The following WDR46 variants were observed in gnomAD, a reference collection of about 807,000 sequenced individuals.
The protein encoded by WDR46 is WD repeat domain 46.
Under a neutral mutation model 74.7 loss-of-function variants are expected in WDR46, and 58 were observed. The observed-to-expected ratio is 0.78, with a 90% CI of 0.63 to 0.97. The LOEUF is 0.97. Ranked by LOEUF, WDR46 falls within the 50% of genes least tolerant of loss-of-function variation. WDR46 has a pLI of 0.00. For synonymous variants in WDR46, 278 were observed against 297.3 expected, an observed-to-expected ratio of 0.93 and a Z score of 0.67; for missense variants, 702 against 790.1, an observed-to-expected ratio of 0.89 and a Z score of 1.34.
Position 33,288,040 on chromosome 6 carries a change from G to T in WDR46, c.562-14C>A, listed in dbSNP as rs1363924329. The T allele has an allele frequency of 6.2e-7, 1 of 1,613,982 alleles. No homozygotes were observed. The highest frequency in any genetic ancestry group is 1.3e-5 in the African/African-American group (1 of 74,900). ...CAAGTCAAAGTGCTGGGAAAGAGAA[G>T]AGTGAAAAAAAAGAGTGCCCTGCAG... is the stretch of plus-strand genomic sequence containing the variant. On this transcript the variant is annotated splice_polypyrimidine_tract_variant and intron_variant, in intron 5 of 14. Coordinates refer to ENST00000374617, the MANE Select transcript of WDR46 (RefSeq NM_005452.6).
chr6:33,288,382 T>A lies in WDR46; in HGVS notation c.449A>T (p.Glu150Val), dbSNP rs1766899821. 6.2e-7 allele frequency: 1 copy of A among 1,614,060 alleles called. No homozygotes were observed. Among genetic ancestry groups the A allele is most frequent in the Non-Finnish European group, 8.5e-7 (1 of 1,180,054 alleles). The change falls in exon 4 of 15, where the codon GAG becomes GTG. Residue 150 changes from glutamate (E) to valine (V), a missense_variant. Glu to Val is a moderately radical substitution (Grantham distance 121). Coordinates refer to ENST00000374617, the MANE Select transcript of WDR46 (RefSeq NM_005452.6). ...CCCAGGTTCTTCAGCAAGCAGCAGC[T>A]CAGAACGAGCAGCTTTGATACTTGT... The part of the protein sequence containing the change: ...EETSIKAARS[E>V]LLLAEEPGFL...
chr6:33,284,459 C>T (rs1353490402), intron 10 of WDR46: 1 of 153,786 alleles, frequency 6.5e-6, no homozygotes, highest in Non-Finnish European at 1.5e-5. Flanking sequence ...CAGATACTCC[C>T]TCAGGAACAG....
intron 12 of WDR46, 93 bp downstream of exon 12, chr6:33,280,335 A>G: frequency 7.3e-7 from 1 of 1,364,684 alleles, no homozygotes; most frequent in Non-Finnish European, 1.0e-6. Flanking sequence ...GACCTTCTCC[A>G]GGAAGGAGGA....
Position 33,289,225 on chromosome 6 carries a change from T to A in WDR46, c.-55A>T. 6.3e-7 allele frequency: 1 copy of A among 1,576,922 alleles called. No individual in the cohort carries two copies. Among genetic ancestry groups the A allele is most frequent in the Non-Finnish European group, 8.6e-7 (1 of 1,163,184 alleles). On this transcript the variant is annotated 5_prime_UTR_variant, in exon 1 of 15. Transcript: ENST00000374617. Reference sequence around the variant, plus strand: ...AAAACTCCTCTCAGCTGCCACACAGTCGGCTTGAAAACTCCCGGAAGCCCT... The same window carrying A: ...AAAACTCCTCTCAGCTGCCACACAGACGGCTTGAAAACTCCCGGAAGCCCT...
chr6:33,286,608 C>T (rs1334074056), intron 10 of WDR46, among the ~76,000 whole-genome samples, 187 bp downstream of exon 10: 1 of 152,088 alleles, frequency 6.6e-6, no homozygotes. Flanking sequence ...TTTCCATTTT[C>T]GGGGTCAGGA....
intron 10 of WDR46, among the ~76,000 whole-genome samples, chr6:33,284,190 T>C (rs1766424294): frequency 6.7e-6 from 1 of 149,090 alleles, no homozygotes; most frequent in African/African-American, 2.5e-5. Flanking sequence ...GCAGAGGTTG[T>C]GGTGAGCTGA....
intron 13 of WDR46, 74 bp from the exon 14 acceptor site, chr6:33,279,684 G>A (rs1490927674): frequency 2.3e-5 from 37 of 1,611,422 alleles, no homozygotes; most frequent in Non-Finnish European, 3.1e-5. Flanking sequence ...CCTGCTGGCC[G>A]CACTTCTGGG....
Position 33,287,522 on chromosome 6 carries a change from G to A in WDR46, c.729-17C>T. On this transcript the variant is annotated splice_polypyrimidine_tract_variant and intron_variant, in intron 7 of 14. Coordinates refer to ENST00000374617, the MANE Select transcript of WDR46 (RefSeq NM_005452.6). ...TGGAGAAACCTGGGGGAGAGGAAGA[G>A]TGGTTCAATTGGGAAATGAGGTCAC... The A allele has an allele frequency of 6.2e-7, 1 of 1,613,586 alleles. No individual in the cohort carries two copies. The highest frequency in any genetic ancestry group is 1.1e-5 in the South Asian group (1 of 91,014).
rs1765901127 is a variant in WDR46 at position 33,279,294 on chromosome 6, C to T, written c.1815G>A (p.Leu605=). The T allele has an allele frequency of 6.2e-7, 1 of 1,614,204 alleles. No individual in the cohort carries two copies. Among genetic ancestry groups the T allele is most frequent in the Non-Finnish European group, 8.5e-7 (1 of 1,180,042 alleles). The part of the protein sequence containing the change: ...AKPTGARPSA[L]DRFVR The stretch of plus-strand genomic sequence containing the variant: ...GTCTGGCTCAGCGCACAAATCTGTC[C>T]AGGGCAGATGGCCGGGCCCCCGTGG... The change falls in exon 15 of 15, where the codon CTG becomes CTA. Residue 605 remains leucine, a synonymous_variant. Transcript: ENST00000374617.
intron 10 of WDR46, among the ~76,000 whole-genome samples, chr6:33,281,344 C>T (rs757005381): frequency 6.6e-6 from 1 of 151,884 alleles, no homozygotes; most frequent in Non-Finnish European, 1.5e-5. Context: ...AATGTGATGT[C>T]CCCCTGTACA....
chr6:33,283,595 G>A (rs1766369550), intron 10 of WDR46, among the ~76,000 whole-genome samples: 1 of 152,154 alleles, frequency 6.6e-6, no homozygotes, highest in Admixed American at 6.5e-5. Flanking sequence ...GGATAACTGT[G>A]TAGAAACTAA....
chr6:33,282,817 A>T (rs1038393438), intron 10 of WDR46, among the ~76,000 whole-genome samples: 1 of 152,256 alleles, frequency 6.6e-6, no homozygotes, highest in Non-Finnish European at 1.5e-5. Flanking sequence ...AGTGGCCCAG[A>T]GAGGGCAGAA....
intron 10 of WDR46, among the ~76,000 whole-genome samples, chr6:33,282,543 G>C (rs1282780959): frequency 1.3e-5 from 2 of 152,196 alleles, no homozygotes; most frequent in Non-Finnish European, 2.9e-5. Context: ...GCTTTGAGAA[G>C]TCAACGCAAT....
Position 33,280,532 on chromosome 6 carries a change from G to T in WDR46, c.1430-10C>A. The T allele has an allele frequency of 6.2e-7, 1 of 1,600,694 alleles. No individual in the cohort carries two copies. ...TTGGGCTCACCGGCCCCTGAAGGGA[G>T]GGAGGGAGAAGCATGGAGCCATAAG... On this transcript the variant is annotated splice_polypyrimidine_tract_variant and intron_variant, in intron 11 of 14. Transcript: ENST00000374617.
intron 10 of WDR46, among the ~76,000 whole-genome samples, chr6:33,284,170 AC>A (rs1195523962): frequency 2.1e-5 from 3 of 145,994 alleles, no homozygotes; most frequent in Non-Finnish European, 4.5e-5. Flanking sequence ...AATCGCTTGA[AC>A]CCCGGGGGGC....
intron 11 of WDR46, 69 bp downstream of exon 11, chr6:33,280,605 T>G (rs1041210138): frequency 5.6e-6 from 9 of 1,601,048 alleles, no homozygotes; most frequent in Non-Finnish European, 6.8e-6. Flanking sequence ...CCCCAGTTCC[T>G]GGATGTCTCT....
rs1485600672 is a variant in WDR46, at chr6:33,280,715, C to A, written c.1388G>T (p.Gly463Val). Residue 463 changes from glycine to valine, a missense_variant, in exon 11 of 15, where the codon GGG becomes GTG. Gly to Val is a moderately radical substitution (Grantham distance 109). Coordinates refer to ENST00000374617, the MANE Select transcript of WDR46 (RefSeq NM_005452.6). Reference sequence around the variant, plus strand: ...GGTGATGCCCCCAGTGTGCCCCACCCCCAGCACATCTTCAAAGGGGCAGAA... The same window carrying A: ...GGTGATGCCCCCAGTGTGCCCCACCACCAGCACATCTTCAAAGGGGCAGAA... The part of the protein sequence containing the change: ...LQFCPFEDVL[G>V]VGHTGGITSM... The A allele has an allele frequency of 2.5e-6, 4 of 1,597,118 alleles. No individual in the cohort carries two copies. Among genetic ancestry groups the A allele is most frequent in the Non-Finnish European group, 3.4e-6 (4 of 1,169,462 alleles).
At chr6:33,289,074 T>C (rs1767016292) in intron 1 of WDR46, 28 bp downstream of exon 1, 1 of 1,004,192 alleles carries the variant, frequency 1.0e-6, no homozygotes, top group Non-Finnish European at 1.5e-6. Context: ...AGCTAAAAAC[T>C]TCGTTTCCCA....
chr6:33,287,269 C>G (rs766510840), intron 8 of WDR46, 43 bp from the exon 9 acceptor site: 3 of 1,612,530 alleles, frequency 1.9e-6, no homozygotes, highest in Non-Finnish European at 2.5e-6. Flanking sequence ...CCTGATTGCC[C>G]TCTGTATTCC....
Sources: allele counts gnomAD v4.1 joint callset (sites outside exome capture counted in the v4.1 genomes callset), GRCh38; gene constraint gnomAD v4.1.1; transcripts MANE v1.5; gene names NCBI Gene and HGNC (gene_info 2026-07-23, HGNC 2026-07-21).